PARP11: variants seen among roughly 807,000 people sequenced by gnomAD.
PARP11 encodes protein mono-ADP-ribosyltransferase PARP11.
Under a neutral mutation model 42.9 loss-of-function variants are expected in PARP11, and 31 were observed. That is an observed-to-expected ratio of 0.72 (90% CI 0.54 to 0.98). PARP11 has a LOEUF of 0.98. Ranked by LOEUF, PARP11 falls within the 50% of genes least tolerant of loss-of-function variation. The pLI is 0.00. For synonymous variants in PARP11, 137 were observed against 127.3 expected (o/e 1.08, Z -0.51); for missense variants, 365 against 413.1 (o/e 0.88, Z 1.01).
chr12:3,840,096 G>A lies in PARP11; in HGVS notation c.19-10078C>T. 2 of 1,609,030 alleles carry A rather than the reference G, an allele frequency of 1.2e-6. No homozygotes were observed. The highest frequency in any genetic ancestry group is 1.7e-6 in the Non-Finnish European group (2 of 1,175,362). ...GAAATGTGGAATATGAAATTTGGCT[G>A]GAGTCTAAACAAGCTCAGCAAAAAC... On this transcript the variant is annotated intron_variant, in intron 1 of 7. Transcript: ENST00000228820. The surrounding 1 kb of genome is among the most constrained non-coding windows in gnomAD (Gnocchi z 4.4).
chr12:3,839,747 A>G, intron 1 of PARP11: 1 of 1,122,790 alleles, frequency 8.9e-7, no homozygotes, highest in Non-Finnish European at 1.4e-6. Context: ...GGAAATCATT[A>G]TGATATTGTG....
At chr12:3,873,083 G>A in intron 1 of PARP11, 129 bp downstream of exon 1, 4 of 908,810 alleles carry the variant, frequency 4.4e-6, no homozygotes, top group Non-Finnish European at 7.1e-6. Flanking sequence ...AAAAGGCCCG[G>A]GAACTCCGGT....
rs555303948 is a variant in PARP11 at position 3,873,334 on chromosome 12, G to A, written c.-105C>T. 3.9e-3 allele frequency: 4,301 copies of A among 1,092,816 alleles called. 19 individuals carry two copies. The highest frequency in any genetic ancestry group is 5.1e-3 in the Non-Finnish European group (3,712 of 730,086). The allele number at this position is 1,092,816 out of a possible 1,614,324, so 67.7% of individuals were successfully genotyped here. A position where few individuals can be genotyped will look rare whatever the true frequency, so the allele number is the denominator to read the frequency against. ...CGCGGGTCCCCGGGAGCGAAGGGAC[G>A]GAGATGCAACCTTTACGAAGGCCTT... On this transcript the variant is annotated 5_prime_UTR_variant, in exon 1 of 8. Transcript: ENST00000228820.
chr12:3,844,159 G>A lies in PARP11; in HGVS notation c.19-14141C>T, dbSNP rs181592660. Among the ~76,000 whole-genome samples, 30 of 152,256 alleles carry A rather than the reference G, an allele frequency of 2.0e-4. No homozygotes were observed. In the East Asian group the frequency reaches 5.6e-3, roughly 28 times the overall value. On this transcript the variant is annotated intron_variant, in intron 1 of 7. Coordinates refer to ENST00000228820, the MANE Select transcript of PARP11 (RefSeq NM_020367.6). ...CTAACGTCCGTGTAACTGCTGATTT[G>A]AGTAGTGATTAGCATTTAGATAATG...
chr12:3,816,419 G>C (rs61600993), intron 6 of PARP11, among the ~76,000 whole-genome samples: 2 of 152,038 alleles, frequency 1.3e-5, no homozygotes, highest in Non-Finnish European at 2.9e-5. Flanking sequence ...TACTCTTTGC[G>C]TAAGACTTTT....
chr12:3,852,806 G>A (rs1337629308), intron 1 of PARP11, among the ~76,000 whole-genome samples: 5 of 152,058 alleles, frequency 3.3e-5, no homozygotes, highest in South Asian at 2.1e-4. Context: ...TCCTTGAGAC[G>A]AGCAACCCCA....
At chr12:3,827,461 G>T (rs2138039591) in intron 3 of PARP11, among the ~76,000 whole-genome samples, 1 of 152,198 alleles carries the variant, frequency 6.6e-6, no homozygotes, top group African/African-American at 2.4e-5. Context: ...GAGGTCTGGT[G>T]TCTGTGCATA....
chr12:3,824,420 T>C (rs1947472694), intron 4 of PARP11, among the ~76,000 whole-genome samples: 3 of 152,150 alleles, frequency 2.0e-5, no homozygotes, highest in African/African-American at 4.8e-5. Flanking sequence ...GACCAAAAAA[T>C]TTTTTTAGTT....
chr12:3,837,065 TC>T (rs1038040277), intron 1 of PARP11, among the ~76,000 whole-genome samples: 15 of 152,024 alleles, frequency 9.9e-5, no homozygotes, highest in Non-Finnish European at 2.1e-4. Context: ...AGGACTACAA[TC>T]CCTAACCCTG....
chr12:3,863,966 A>T (rs1948345138), intron 1 of PARP11: 1 of 152,204 alleles, frequency 6.6e-6, no homozygotes, highest in African/African-American at 2.4e-5. Context: ...CACTATTAAG[A>T]CAAAAAATTT....
At chr12:3,831,208 G>A (rs998264704) in intron 1 of PARP11, among the ~76,000 whole-genome samples, 1 of 151,938 alleles carries the variant, frequency 6.6e-6, no homozygotes, top group Non-Finnish European at 1.5e-5. Context: ...CTTCTCCAGG[G>A]TTAGCCAATG....
At chr12:3,836,759 G>C (rs988392788) in intron 1 of PARP11, among the ~76,000 whole-genome samples, 55 of 152,170 alleles carry the variant, frequency 3.6e-4, no homozygotes, top group African/African-American at 1.3e-3. Context: ...TGTAGGGAGA[G>C]ACAGTTCCCA....
chr12:3,844,379 G>A (rs1184849142), intron 1 of PARP11, among the ~76,000 whole-genome samples: 1 of 152,178 alleles, frequency 6.6e-6, no homozygotes, highest in Non-Finnish European at 1.5e-5. Context: ...AACACTGGTG[G>A]CTCAGTTAAG....
intron 1 of PARP11, among the ~76,000 whole-genome samples, chr12:3,834,713 T>C (rs932595682): frequency 4.0e-5 from 6 of 148,890 alleles, no homozygotes; most frequent in East Asian, 2.0e-4. Context: ...GGAGCTCCAA[T>C]ATAAGCAGAA....
intron 2 of PARP11, 135 bp from the exon 3 acceptor site, chr12:3,829,165 A>G: frequency 1.2e-6 from 1 of 827,878 alleles, no homozygotes; most frequent in Non-Finnish European, 1.9e-6. Flanking sequence ...CTAGTTCCCA[A>G]CACACAGGGA....
At chr12:3,849,661 G>A (rs1002663227) in intron 1 of PARP11, among the ~76,000 whole-genome samples, 2 of 152,154 alleles carry the variant, frequency 1.3e-5, no homozygotes, top group Admixed American at 1.3e-4. Context: ...AGGGCAGGGG[G>A]AGAGACTGAT....
intron 4 of PARP11, among the ~76,000 whole-genome samples, chr12:3,824,969 TA>T (rs1445452094): frequency 1.3e-5 from 2 of 152,152 alleles, no homozygotes; most frequent in Non-Finnish European, 2.9e-5. Context: ...GATGCTAAAA[TA>T]AAACCAAAAT....
intron 1 of PARP11, among the ~76,000 whole-genome samples, chr12:3,852,486 C>T (rs568285261): frequency 9.9e-5 from 15 of 152,176 alleles, no homozygotes; most frequent in East Asian, 1.9e-4. Context: ...AACTATGTGA[C>T]GCATGCACAA....
chr12:3,821,994 G>C lies in PARP11; in HGVS notation c.427C>G (p.Leu143Val), dbSNP rs757717146. 3 of 1,608,590 alleles carry C rather than the reference G, an allele frequency of 1.9e-6. No homozygotes were observed. The highest frequency in any genetic ancestry group is 1.7e-6 in the Non-Finnish European group (2 of 1,178,068). ...TTATATTCATGTGTTTGATTGTGCAGAGGAATAAGCTGGAAAAATAAATTT... is the reference window on the plus strand; with the variant it reads ...TTATATTCATGTGTTTGATTGTGCACAGGAATAAGCTGGAAAAATAAATTT... ...NTQVPYQLIP[L>V]HNQTHEYNEV... The change falls in exon 6 of 8, where the codon CTG (leucine) becomes GTG (valine). Residue 143 changes from leucine to valine, a missense_variant. By Grantham distance (32) the Leu-to-Val change is conservative. Coordinates refer to ENST00000228820, the MANE Select transcript of PARP11 (RefSeq NM_020367.6).
Sources: allele counts gnomAD v4.1 joint callset (sites outside exome capture counted in the v4.1 genomes callset), GRCh38; gene constraint gnomAD v4.1.1; non-coding constraint Gnocchi (gnomAD v3.1); transcripts MANE v1.5; gene names NCBI Gene and HGNC (gene_info 2026-07-23, HGNC 2026-07-21).